PTK7: variants seen among roughly 807,000 people sequenced by gnomAD.
PTK7 encodes the protein inactive tyrosine-protein kinase 7.
Under a neutral mutation model 116.6 loss-of-function variants are expected in PTK7, and 39 were observed. That is an observed-to-expected ratio of 0.33 (90% CI 0.26 to 0.44). The LOEUF (loss-of-function observed/expected upper bound fraction) is 0.44, where lower values mean the gene tolerates loss of function less well. Ranked by LOEUF, PTK7 falls within the 20% of genes least tolerant of loss-of-function variation. The pLI is 1.00. For synonymous variants in PTK7, 546 were observed against 563.6 expected (o/e 0.97, Z 0.44); for missense variants, 1,169 against 1,425.6 (o/e 0.82, Z 2.90).
intron 1 of PTK7, among the ~76,000 whole-genome samples, chr6:43,095,774 G>A (rs1240049082): frequency 6.6e-6 from 1 of 152,210 alleles, no homozygotes; most frequent in African/African-American, 2.4e-5. Flanking sequence ...AAAGATGGAT[G>A]TACAGCTAAG....
intron 1 of PTK7, among the ~76,000 whole-genome samples, chr6:43,121,129 C>T: frequency 6.7e-6 from 1 of 150,128 alleles, no homozygotes; most frequent in Non-Finnish European, 1.5e-5. Context: ...CTTGCCTCAT[C>T]CTCCCAAGTT....
chr6:43,111,103 AC>A (rs1312670471), intron 1 of PTK7, among the ~76,000 whole-genome samples: 4 of 152,214 alleles, frequency 2.6e-5, no homozygotes, highest in Non-Finnish European at 4.4e-5. Flanking sequence ...TCTGTTTTGA[AC>A]AGCTTCTGGG....
At chr6:43,136,400 AT>A (rs928434854) in intron 7 of PTK7, among the ~76,000 whole-genome samples, 22 of 151,432 alleles carry the variant, frequency 1.5e-4, no homozygotes, top group African/African-American at 4.8e-4. Context: ...CATGCTTATG[AT>A]TCTGTGGACA....
intron 1 of PTK7, among the ~76,000 whole-genome samples, chr6:43,086,116 G>T (rs964914320): frequency 1.3e-5 from 2 of 152,164 alleles, no homozygotes; most frequent in Non-Finnish European, 2.9e-5. Flanking sequence ...GGTTGGTGCT[G>T]GTTCAGGGCC....
intron 1 of PTK7, among the ~76,000 whole-genome samples, chr6:43,105,104 C>G (rs1189784280): frequency 2.0e-5 from 3 of 151,516 alleles, no homozygotes; most frequent in African/African-American, 7.3e-5. Context: ...AGCCACCAAG[C>G]CCAGCCTTTT....
At chr6:43,082,209 T>C (rs1340853119) in intron 1 of PTK7, among the ~76,000 whole-genome samples, 1 of 152,194 alleles carries the variant, frequency 6.6e-6, no homozygotes, top group Non-Finnish European at 1.5e-5. Context: ...GGAGTCTCAC[T>C]CTGTCGCCCA....
chr6:43,152,240 T>C (rs1771160988), intron 17 of PTK7, among the ~76,000 whole-genome samples: 1 of 138,248 alleles, frequency 7.2e-6, no homozygotes, highest in Non-Finnish European at 1.5e-5. Flanking sequence ...GATAAAGAAA[T>C]GTACCAAAGC....
chr6:43,144,254 A>G, intron 14 of PTK7, 197 bp from the exon 15 acceptor site: 2 of 627,000 alleles, frequency 3.2e-6, no homozygotes, highest in Non-Finnish European at 5.5e-6. Flanking sequence ...CTAAGGGGTC[A>G]TACCCTAGGG....
intron 7 of PTK7, chr6:43,138,611 A>G: frequency 4.6e-6 from 2 of 435,006 alleles, no homozygotes; most frequent in Non-Finnish European, 4.0e-6. Context: ...GTAGTGAGCC[A>G]TAATTGTGTC....
At chr6:43,127,628 G>A (rs907518624) in intron 1 of PTK7, among the ~76,000 whole-genome samples, 1 of 152,152 alleles carries the variant, frequency 6.6e-6, no homozygotes, top group Non-Finnish European at 1.5e-5. Context: ...GGATTTTCAG[G>A]GATAAAGAAC....
chr6:43,100,484 CT>C (rs1277130026), intron 1 of PTK7, among the ~76,000 whole-genome samples: 1 of 150,036 alleles, frequency 6.7e-6, no homozygotes, highest in Non-Finnish European at 1.5e-5. Flanking sequence ...GAAAATTGAA[CT>C]GTAATTTGAT....
Position 43,139,063 on chromosome 6 carries a change from C to T in PTK7, c.1363-73C>T. 3 of 1,609,682 alleles carry T rather than the reference C, an allele frequency of 1.9e-6. No homozygotes were observed. Among genetic ancestry groups the T allele is most frequent in the Admixed American group, 3.4e-5 (2 of 59,638 alleles). On this transcript the variant is annotated intron_variant, in intron 8 of 19. Transcript: ENST00000230419. This position sits in a 1 kb window ranked among gnomAD's most constrained non-coding sequence, Gnocchi z 4.6. ...CTTCTGTGCTCACCTCCATAGCACT[C>T]TTACCCTGGAGGCAGCCTCCAGGGA...
In PTK7 at chr6:43,132,173, C is replaced by G. The variant is rs1186581121; in HGVS notation, c.961+9C>G. 2 of 1,605,322 alleles carry G rather than the reference C, an allele frequency of 1.2e-6. No homozygotes were observed. Among genetic ancestry groups the G allele is most frequent in the African/African-American group, 2.7e-5 (2 of 74,788 alleles). On this transcript the variant is annotated intron_variant, in intron 6 of 19. Coordinates refer to ENST00000230419, the MANE Select transcript of PTK7 (RefSeq NM_002821.5). ...CACACTTCACCTAGCAGGTGAGTCT[C>G]TGGGTCTGGGGTGCTGATGTGGGAG...
At chr6:43,140,921 T>A (rs916320808) in intron 10 of PTK7, among the ~76,000 whole-genome samples, 2 of 152,174 alleles carry the variant, frequency 1.3e-5, no homozygotes, top group African/African-American at 4.8e-5. Context: ...CTTTATACAC[T>A]CTTCATGAAT....
intron 17 of PTK7, among the ~76,000 whole-genome samples, chr6:43,153,312 TGTGC>T (rs1771239267): frequency 6.6e-6 from 1 of 150,834 alleles, no homozygotes; most frequent in African/African-American, 2.4e-5. Flanking sequence ...AGGGTTTCAC[TGTGC>T]GTTAGGCAGG....
intron 17 of PTK7, among the ~76,000 whole-genome samples, chr6:43,149,777 T>C (rs1770961858): frequency 6.6e-6 from 1 of 152,234 alleles, no homozygotes; most frequent in Admixed American, 6.5e-5. Flanking sequence ...TTGTGTTTGA[T>C]GCACTTGATG....
chr6:43,081,249 A>G (rs535596117), intron 1 of PTK7, among the ~76,000 whole-genome samples: 1 of 152,310 alleles, frequency 6.6e-6, no homozygotes, highest in African/African-American at 2.4e-5. Context: ...GAAGGTAGAC[A>G]CTGTAGAACT....
intron 1 of PTK7, among the ~76,000 whole-genome samples, chr6:43,116,647 T>TGCGCGCGCGCGCGC (rs1417461604): frequency 2.7e-5 from 2 of 74,254 alleles, no homozygotes; most frequent in African/African-American, 1.2e-4. Context: ...TGTGTGTGTG[T>TGCGCGCGCGCGCGC]GTGTGCGCGC....
Position 43,159,896 on chromosome 6 carries a change from G to A in PTK7, c.2982G>A (p.Val994=), listed in dbSNP as rs138042098. ...STKSDVWAFG[V]LMWEVFTHGE... The stretch of plus-strand genomic sequence containing the variant: ...AGTCTGATGTCTGGGCCTTCGGTGT[G>A]CTGATGTGGGAAGTGTTTACACATG... The change falls in exon 19 of 20, where the codon GTG becomes GTA. Residue 994 remains valine (V), a synonymous_variant. Transcript: ENST00000230419. The A allele has an allele frequency of 1.2e-4, 188 of 1,614,116 alleles. No homozygotes were observed. Among genetic ancestry groups the A allele is most frequent in the Non-Finnish European group, 1.5e-4 (176 of 1,180,042 alleles).
Sources: allele counts gnomAD v4.1 joint callset (sites outside exome capture counted in the v4.1 genomes callset), GRCh38; gene constraint gnomAD v4.1.1; non-coding constraint Gnocchi (gnomAD v3.1); transcripts MANE v1.5; gene names NCBI Gene and HGNC (gene_info 2026-07-23, HGNC 2026-07-21).